The following ME3 variants were observed in gnomAD, a reference collection of about 807,000 sequenced individuals.
The protein encoded by ME3 is NADP-dependent malic enzyme, mitochondrial.
A neutral mutation model predicts 68.9 loss-of-function variants in ME3; 48 were observed. That is an observed-to-expected ratio of 0.70 (90% CI 0.55 to 0.89). The LOEUF (loss-of-function observed/expected upper bound fraction) is 0.89, where lower values mean the gene tolerates loss of function less well. Among genes scored for constraint, ME3 ranks in the 40% least tolerant of loss-of-function variants. The pLI is 0.00. For synonymous variants in ME3, 320 were observed against 318.8 expected, an observed-to-expected ratio of 1.00 and a Z score of -0.04; for missense variants, 675 against 797.4, an observed-to-expected ratio of 0.85 and a Z score of 1.85.
intron 7 of ME3, among the ~76,000 whole-genome samples, chr11:86,482,231 GA>G (rs1951455168): frequency 6.6e-6 from 1 of 152,184 alleles, no homozygotes; most frequent in Non-Finnish European, 1.5e-5. Context: ...TAGAGGCTAA[GA>G]AAGTGTAGAG....
intron 2 of ME3, chr11:86,622,950 C>G (rs1943437793): frequency 6.6e-6 from 1 of 150,564 alleles, no homozygotes. Flanking sequence ...GGGAGAATGA[C>G]CTTGTGTAAA....
In ME3 at chr11:86,533,640, AG is replaced by A. The variant is rs1955422387; in HGVS notation, c.467+22912del. The stretch of plus-strand genomic sequence containing the variant: ...GGAAATACTTCCAAACTCATTTACA[AG>A]GCCAGCATTACTTTGATACTAAAGC... On this transcript the variant is annotated intron_variant, in intron 4 of 14. Transcript: ENST00000543262. Among the ~76,000 whole-genome samples, 10 of 152,350 alleles carry A rather than the reference AG, an allele frequency of 6.6e-5. 1 individual carries two copies. The South Asian group carries it at 2.1e-3, about 32-fold the overall frequency.
intron 2 of ME3, among the ~76,000 whole-genome samples, chr11:86,598,180 G>A (rs560490304): frequency 6.6e-6 from 1 of 152,200 alleles, no homozygotes; most frequent in African/African-American, 2.4e-5. Flanking sequence ...GGGTCAGGGA[G>A]TTCCCTTTCC....
intron 2 of ME3, among the ~76,000 whole-genome samples, chr11:86,630,387 G>C (rs2135319490): frequency 6.6e-6 from 1 of 152,306 alleles, no homozygotes; most frequent in African/African-American, 2.4e-5. Flanking sequence ...ACCTGAGTGG[G>C]TTTGGTCTCC....
chr11:86,627,804 G>A (rs1240607678), intron 2 of ME3, among the ~76,000 whole-genome samples: 1 of 152,230 alleles, frequency 6.6e-6, no homozygotes, highest in East Asian at 1.9e-4. Context: ...AAAAAGCACA[G>A]GAAGCTGAAT....
At chr11:86,506,657 G>GT (rs1206702442) in intron 5 of ME3, among the ~76,000 whole-genome samples, 4 of 152,212 alleles carry the variant, frequency 2.6e-5, no homozygotes, top group African/African-American at 9.7e-5. Context: ...TCCTGGCACA[G>GT]TATCTGTGAC....
chr11:86,496,262 T>C (rs1000081195), intron 6 of ME3, among the ~76,000 whole-genome samples: 7 of 151,978 alleles, frequency 4.6e-5, no homozygotes, highest in Admixed American at 3.9e-4. Context: ...AAAAATTAGC[T>C]GAGCGTGGTA....
chr11:86,529,804 A>C (rs1290644890), intron 4 of ME3, among the ~76,000 whole-genome samples: 3 of 152,120 alleles, frequency 2.0e-5, no homozygotes, highest in Non-Finnish European at 2.9e-5. Flanking sequence ...AAATTAAATA[A>C]CCCTTCATGC....
At chr11:86,461,331 G>A (rs1565809667) in intron 8 of ME3, among the ~76,000 whole-genome samples, 1 of 152,210 alleles carries the variant, frequency 6.6e-6, no homozygotes, top group Non-Finnish European at 1.5e-5. Context: ...AGGGGGGGAT[G>A]TTGCCAGGCA....
chr11:86,599,227 T>C (rs1311586298), intron 2 of ME3, among the ~76,000 whole-genome samples: 1 of 152,134 alleles, frequency 6.6e-6, no homozygotes, highest in Non-Finnish European at 1.5e-5. Flanking sequence ...AATGTATAAC[T>C]AGAATAACCG....
At chr11:86,520,383 A>G in intron 4 of ME3, among the ~76,000 whole-genome samples, 1 of 152,338 alleles carries the variant, frequency 6.6e-6, no homozygotes, top group East Asian at 1.9e-4. Flanking sequence ...TACATGGAAA[A>G]CAAGTGTGAG....
intron 2 of ME3, among the ~76,000 whole-genome samples, chr11:86,660,089 A>C (rs1565290303): frequency 6.6e-6 from 1 of 152,194 alleles, no homozygotes; most frequent in Non-Finnish European, 1.5e-5. Context: ...AGCTTCTCTC[A>C]GGCAAATGTC....
At chr11:86,477,664 T>C (rs866278311) in intron 7 of ME3, among the ~76,000 whole-genome samples, 1 of 152,166 alleles carries the variant, frequency 6.6e-6, no homozygotes, top group Non-Finnish European at 1.5e-5. Context: ...AATAGCCAGC[T>C]AGTGTCATTG....
At chr11:86,664,251 C>T (rs1226856994) in intron 2 of ME3, among the ~76,000 whole-genome samples, 1 of 152,174 alleles carries the variant, frequency 6.6e-6, no homozygotes, top group East Asian at 1.9e-4. Flanking sequence ...ATCTCACTGA[C>T]ATAACACAAT....
At chr11:86,551,651 C>G (rs1348264542) in intron 4 of ME3, among the ~76,000 whole-genome samples, 1 of 152,132 alleles carries the variant, frequency 6.6e-6, no homozygotes, top group Non-Finnish European at 1.5e-5. Context: ...AACAATAATG[C>G]ACACAAAATA....
intron 4 of ME3, among the ~76,000 whole-genome samples, chr11:86,517,803 G>A (rs758177154): frequency 1.3e-5 from 2 of 152,164 alleles, no homozygotes; most frequent in Admixed American, 6.5e-5. Context: ...AGGGCCTAGC[G>A]TAGCACCAGG....
intron 2 of ME3, among the ~76,000 whole-genome samples, chr11:86,669,492 C>A (rs1946785295): frequency 6.6e-6 from 1 of 152,174 alleles, no homozygotes; most frequent in Non-Finnish European, 1.5e-5. Flanking sequence ...GCGAAGGCAC[C>A]TCCTCAGAGG....
chr11:86,626,393 C>G (rs1045725920), intron 2 of ME3, among the ~76,000 whole-genome samples: 5 of 152,184 alleles, frequency 3.3e-5, no homozygotes, highest in African/African-American at 9.7e-5. Flanking sequence ...GGCAACAGCT[C>G]AGTGTAGTGA....
chr11:86,588,164 C>G (rs1958848292), intron 2 of ME3, among the ~76,000 whole-genome samples: 1 of 152,154 alleles, frequency 6.6e-6, no homozygotes, highest in South Asian at 2.1e-4. Flanking sequence ...CCTCCTGGAG[C>G]TTACAGACCA....
Sources: gnomAD v4.1 joint callset for allele counts (sites outside exome capture counted in the v4.1 genomes callset) on GRCh38, gnomAD v4.1.1 for gene constraint, MANE v1.5 for transcripts, NCBI Gene and HGNC (gene_info 2026-07-23, HGNC 2026-07-21) for gene names.